Variants in RBFOX1 observed in about 807,000 individuals in gnomAD.
RBFOX1 encodes RNA binding protein fox-1 homolog 1.
Under a neutral mutation model 57.7 loss-of-function variants are expected in RBFOX1, and 8 were observed. That is an observed-to-expected ratio of 0.14 (90% CI 0.08 to 0.25). RBFOX1 has a LOEUF of 0.25. Ranked by LOEUF, RBFOX1 falls within the 10% of genes least tolerant of loss-of-function variation. The pLI is 1.00. For synonymous variants in RBFOX1, 326 were observed against 222.4 expected, an observed-to-expected ratio of 1.47 and a Z score of -4.15; for missense variants, 611 against 548.5, an observed-to-expected ratio of 1.11 and a Z score of -1.14.
chr16:6,966,465 C>T (rs979876495), intron 3 of RBFOX1, among the ~76,000 whole-genome samples: 1 of 152,084 alleles, frequency 6.6e-6, no homozygotes, highest in African/African-American at 2.4e-5. Flanking sequence ...GCTCATTCTG[C>T]CATCCACGGA....
chr16:7,473,755 C>T (rs2062040016), intron 4 of RBFOX1, among the ~76,000 whole-genome samples: 2 of 152,100 alleles, frequency 1.3e-5, no homozygotes, highest in African/African-American at 4.8e-5. Flanking sequence ...ACCTCCACTT[C>T]TTGGCTGTGT....
intron 11 of RBFOX1, among the ~76,000 whole-genome samples, chr16:7,649,468 TC>T (rs2144381206): frequency 6.6e-6 from 1 of 152,302 alleles, no homozygotes; most frequent in South Asian, 2.1e-4. Flanking sequence ...GGAAATGTAG[TC>T]CAGCATGTCT....
chr16:7,266,127 A>G (rs1489411765), intron 4 of RBFOX1, among the ~76,000 whole-genome samples: 2 of 151,986 alleles, frequency 1.3e-5, no homozygotes, highest in East Asian at 3.9e-4. Context: ...GGCGCTCGCC[A>G]ATACACCTGG....
intron 3 of RBFOX1, among the ~76,000 whole-genome samples, chr16:6,795,238 C>G (rs2083734878): frequency 2.0e-5 from 3 of 152,176 alleles, no homozygotes; most frequent in South Asian, 4.2e-4. Context: ...CACAAACCAC[C>G]TAAATTTTTT....
intron 1 of RBFOX1, among the ~76,000 whole-genome samples, chr16:5,429,882 C>G (rs561986265): frequency 6.6e-6 from 1 of 152,178 alleles, no homozygotes; most frequent in Non-Finnish European, 1.5e-5. Flanking sequence ...TCCCAAATAC[C>G]TGCCCTCCTG....
chr16:6,707,550 C>G (rs1367024661), intron 3 of RBFOX1, among the ~76,000 whole-genome samples: 3 of 134,128 alleles, frequency 2.2e-5, no homozygotes, highest in Non-Finnish European at 3.1e-5. Context: ...TGGGGCATTT[C>G]TAAGATTTCC....
intron 2 of RBFOX1, chr16:6,483,473 G>A (rs1403663940): frequency 2.0e-6 from 3 of 1,535,634 alleles, no homozygotes; most frequent in Admixed American, 3.9e-5. Context: ...TCCCGGTGAG[G>A]AAACAGGAGG....
intron 4 of RBFOX1, among the ~76,000 whole-genome samples, chr16:7,156,714 A>G (rs1388910012): frequency 6.6e-6 from 1 of 152,092 alleles, no homozygotes; most frequent in Non-Finnish European, 1.5e-5. Flanking sequence ...GAGACATTTA[A>G]TGGATTCCTT....
chr16:6,235,273 C>T (rs2097496978), intron 1 of RBFOX1, among the ~76,000 whole-genome samples: 1 of 152,064 alleles, frequency 6.6e-6, no homozygotes, highest in African/African-American at 2.4e-5. Flanking sequence ...CTCCCCTCCT[C>T]CACACAGAAT....
At chr16:7,532,499 G>A (rs2080364908) in intron 5 of RBFOX1, among the ~76,000 whole-genome samples, 2 of 152,192 alleles carry the variant, frequency 1.3e-5, no homozygotes, top group South Asian at 2.1e-4. Flanking sequence ...GGAAAAGGGA[G>A]GACGTGAGTT....
chr16:6,208,187 T>G (rs1480190883), intron 1 of RBFOX1, among the ~76,000 whole-genome samples: 2 of 152,080 alleles, frequency 1.3e-5, no homozygotes, highest in Non-Finnish European at 2.9e-5. Flanking sequence ...TATGATCCAT[T>G]TTTTGTAAAA....
chr16:6,650,882 GT>G (rs1425773455), intron 2 of RBFOX1, among the ~76,000 whole-genome samples: 11 of 152,056 alleles, frequency 7.2e-5, no homozygotes, highest in Non-Finnish European at 1.5e-4. Context: ...AGTCCCTAAT[GT>G]TTTTTGGTTG....
intron 4 of RBFOX1, among the ~76,000 whole-genome samples, chr16:7,324,350 C>G (rs2096583608): frequency 6.6e-6 from 1 of 152,056 alleles, no homozygotes; most frequent in Non-Finnish European, 1.5e-5. Context: ...TAGGAGTGGC[C>G]TCTGTGTCCA....
chr16:7,453,383 A>C (rs561650291), intron 4 of RBFOX1, among the ~76,000 whole-genome samples: 1 of 152,218 alleles, frequency 6.6e-6, no homozygotes, highest in South Asian at 2.1e-4. Flanking sequence ...AGAGTGGCCC[A>C]AGTCAGGTGG....
chr16:7,618,731 T>A (rs1246294104), intron 10 of RBFOX1, among the ~76,000 whole-genome samples: 1 of 152,210 alleles, frequency 6.6e-6, no homozygotes, highest in Non-Finnish European at 1.5e-5. Flanking sequence ...AGATACTCAT[T>A]CTCTACATAT....
intron 1 of RBFOX1, among the ~76,000 whole-genome samples, chr16:5,457,218 C>A (rs143578882): frequency 0.026 from 3,894 of 152,168 alleles, 134 homozygotes; most frequent in East Asian, 0.088. Context: ...CTCACTGCAA[C>A]CTCTACCTCC....
chr16:5,268,077 T>A (rs2062907255), intron 1 of RBFOX1, among the ~76,000 whole-genome samples: 1 of 148,622 alleles, frequency 6.7e-6, no homozygotes, highest in African/African-American at 2.5e-5. Flanking sequence ...AGATTCCATG[T>A]CAAAAAAAAA....
At chr16:6,351,386 T>G (rs1408342922) in intron 2 of RBFOX1, among the ~76,000 whole-genome samples, 2 of 144,018 alleles carry the variant, frequency 1.4e-5, no homozygotes, top group Non-Finnish European at 3.0e-5. Context: ...TTTTTTTTTT[T>G]TCTTGAGGCA....
intron 12 of RBFOX1, among the ~76,000 whole-genome samples, chr16:7,662,249 C>G (rs1227533704): frequency 6.6e-6 from 1 of 152,174 alleles, no homozygotes; most frequent in South Asian, 2.1e-4. Flanking sequence ...TGTTTCATAT[C>G]TCATGAAAAA....
Sources: gnomAD v4.1 joint callset for allele counts (sites outside exome capture counted in the v4.1 genomes callset) on GRCh38, gnomAD v4.1.1 for gene constraint, MANE v1.5 for transcripts, NCBI Gene and HGNC (gene_info 2026-07-23, HGNC 2026-07-21) for gene names.